USP31: variants seen among roughly 807,000 people sequenced by gnomAD.
USP31 encodes the protein ubiquitin specific peptidase 31.
Under a neutral mutation model 119.4 loss-of-function variants are expected in USP31, and 44 were observed. That is an observed-to-expected ratio of 0.37 (90% CI 0.29 to 0.47). The LOEUF is 0.47. USP31 is among the 20% of genes least tolerant of loss of function. The pLI is 0.99. For missense variants in USP31, 1,643 were observed against 1,730.2 expected, an observed-to-expected ratio of 0.95 and a Z score of 0.89; for synonymous variants, 749 against 705.6, an observed-to-expected ratio of 1.06 and a Z score of -0.97.
At chr16:23,083,187 A>G (rs764491974) in intron 11 of USP31, among the ~76,000 whole-genome samples, 1 of 152,168 alleles carries the variant, frequency 6.6e-6, no homozygotes, top group African/African-American at 2.4e-5. Flanking sequence ...TTTAGTGATC[A>G]AGACAGATGG....
intron 1 of USP31, among the ~76,000 whole-genome samples, chr16:23,116,430 T>C (rs951810130): frequency 8.5e-5 from 13 of 152,122 alleles, no homozygotes; most frequent in African/African-American, 2.7e-4. Context: ...GAAGAATAAT[T>C]AGCTAAAACA....
intron 6 of USP31, among the ~76,000 whole-genome samples, chr16:23,091,345 T>C (rs1381063379): frequency 6.6e-6 from 1 of 152,174 alleles, no homozygotes; most frequent in East Asian, 1.9e-4. Context: ...AACAAAAATA[T>C]ATATTTGACA....
At chr16:23,102,973 TA>T (rs1479756894) in intron 5 of USP31, among the ~76,000 whole-genome samples, 4 of 152,212 alleles carry the variant, frequency 2.6e-5, no homozygotes, top group African/African-American at 9.6e-5. Context: ...TGCCATGTTA[TA>T]AAAGGGATTA....
chr16:23,126,350 C>T (rs890630589), intron 1 of USP31, among the ~76,000 whole-genome samples: 42 of 141,204 alleles, frequency 3.0e-4, no homozygotes, highest in Admixed American at 1.1e-3. Flanking sequence ...AAAGGCTGGG[C>T]GTAGTGGCTC....
rs552137614 is a variant in USP31, at chr16:23,098,224, T to C, written c.1234+4095A>G. Among the ~76,000 whole-genome samples, 31 of 152,300 alleles carry C rather than the reference T, an allele frequency of 2.0e-4. No homozygotes were observed. In the East Asian group the frequency reaches 5.4e-3, roughly 27 times the overall value. On this transcript the variant is annotated intron_variant, in intron 6 of 15. Coordinates refer to ENST00000219689, the MANE Select transcript of USP31 (RefSeq NM_020718.4). Reference sequence around the variant, plus strand: ...ATCATGAGTGAACTCCCATTCACAATTGCTTCAAAGAGAATAAAATACCTA... The same window carrying C: ...ATCATGAGTGAACTCCCATTCACAACTGCTTCAAAGAGAATAAAATACCTA...
chr16:23,096,421 T>C (rs1288125869), intron 6 of USP31, among the ~76,000 whole-genome samples: 1 of 152,120 alleles, frequency 6.6e-6, no homozygotes, highest in Non-Finnish European at 1.5e-5. Flanking sequence ...CTGTCAACAT[T>C]AGACAGATCA....
At chr16:23,116,900 T>C (rs954036597) in intron 1 of USP31, among the ~76,000 whole-genome samples, 2 of 152,200 alleles carry the variant, frequency 1.3e-5, no homozygotes, top group African/African-American at 4.8e-5. Context: ...CTGTTCACAT[T>C]TGGCCACAGA....
Position 23,064,691 on chromosome 16 carries a change from T to C in USP31, c.*3355A>G, listed in dbSNP as rs544823149. 1 of 152,332 alleles carries C rather than the reference T, an allele frequency of 6.6e-6. No individual in the cohort carries two copies. Among genetic ancestry groups the C allele is most frequent in the South Asian group, 2.1e-4 (1 of 4,824 alleles). The allele number at this position is 152,332 out of a possible 1,614,324, so 9.4% of individuals were successfully genotyped here. Reference sequence around the variant, plus strand: ...ACGTGATCTCTTTTCCCAGGAGAACTGTCACTCCATTTAGGACACCATCAC... The same window carrying C: ...ACGTGATCTCTTTTCCCAGGAGAACCGTCACTCCATTTAGGACACCATCAC... On this transcript the variant is annotated 3_prime_UTR_variant, in exon 16 of 16. Coordinates refer to ENST00000219689, the MANE Select transcript of USP31 (RefSeq NM_020718.4).
chr16:23,076,223 CAT>C (rs1422109179), intron 13 of USP31, among the ~76,000 whole-genome samples: 1 of 150,342 alleles, frequency 6.7e-6, no homozygotes, highest in Non-Finnish European at 1.5e-5. Flanking sequence ...CATCATGGCA[CAT>C]GTTTACCTAA....
chr16:23,143,874 CA>C (rs1330129870), intron 1 of USP31, among the ~76,000 whole-genome samples: 4 of 151,824 alleles, frequency 2.6e-5, no homozygotes. Flanking sequence ...ACAAATGTCC[CA>C]GGGGGTGGGG....
intron 11 of USP31, among the ~76,000 whole-genome samples, chr16:23,083,896 G>C (rs145404910): frequency 6.6e-6 from 1 of 152,122 alleles, no homozygotes; most frequent in African/African-American, 2.4e-5. Context: ...ACAACTGTTG[G>C]CTATAGTAAC....
intron 9 of USP31, among the ~76,000 whole-genome samples, chr16:23,086,119 C>T (rs1567230535): frequency 6.6e-6 from 1 of 152,038 alleles, no homozygotes; most frequent in Admixed American, 6.6e-5. Flanking sequence ...TCCAAAGCTA[C>T]CCCCGTCCCA....
chr16:23,082,468 C>A lies in USP31; in HGVS notation c.1920G>T (p.Val640=). ...GAAATCTCTTTAGATGTATAATAAG[C>A]ACATCAGGCAGAGTCCAGAGGCTTA... The part of the protein sequence containing the change: ...ITLSLWTLPD[V]LIIHLKRFRQ... The change falls in exon 12 of 16, where the codon GTG becomes GTT. Residue 640 remains valine (V), a synonymous_variant. Coordinates refer to ENST00000219689, the MANE Select transcript of USP31 (RefSeq NM_020718.4). 1 of 1,614,144 alleles carries A rather than the reference C, an allele frequency of 6.2e-7. No homozygotes were observed. Among genetic ancestry groups the A allele is most frequent in the Non-Finnish European group, 8.5e-7 (1 of 1,180,014 alleles).
intron 13 of USP31, among the ~76,000 whole-genome samples, chr16:23,078,310 C>CAAAAA (rs34288248): frequency 2.8e-5 from 2 of 71,140 alleles, no homozygotes; most frequent in African/African-American, 6.5e-5. Context: ...GACTCCGTCG[C>CAAAAA]AAAAAAAAAA....
At position 23,106,500 on chromosome 16, in the gene USP31, G is replaced by A. The variant is rs757858830; in HGVS notation, c.772-13C>T. The A allele has an allele frequency of 6.9e-5, 110 of 1,587,540 alleles. No homozygotes were observed. Among genetic ancestry groups the A allele is most frequent in the Admixed American group, 1.6e-4 (9 of 55,944 alleles). ...TCTCTGATGGTGGCTAAAAAAAAAA[G>A]AAAGTACAACTTCACAGACTAGAAA... On this transcript the variant is annotated splice_polypyrimidine_tract_variant and intron_variant, in intron 2 of 15. Transcript: ENST00000219689.
chr16:23,068,341 C>A lies in USP31; in HGVS notation c.3764G>T (p.Gly1255Val), dbSNP rs1259730446. Residue 1255 changes from glycine to valine, a missense_variant, in exon 16 of 16, where the codon GGT becomes GTT. Transcript: ENST00000219689. ...ACAGACAGACTTAACAGAGCTCCCA[C>A]CAGCCTTTTTAGAGAGCAAGGCTGT... is the stretch of plus-strand genomic sequence containing the variant. ...GKTALLSKKA[G>V]GSSVKSVCKN... is the part of the protein sequence containing the mutation. The A allele has an allele frequency of 1.9e-6, 3 of 1,614,074 alleles. No homozygotes were observed. The highest frequency in any genetic ancestry group is 2.5e-6 in the Non-Finnish European group (3 of 1,180,026).
Position 23,068,882 on chromosome 16 carries a change from T to C in USP31, c.3223A>G (p.Ser1075Gly). The change falls in exon 16 of 16, where the codon AGC (serine) becomes GGC (glycine). Residue 1075 changes from serine (S) to glycine (G), a missense_variant. By Grantham distance (56) the Ser-to-Gly change is moderately conservative. This residue lies in a region of USP31 where 699 missense variants were observed against 650.9 expected (regional missense o/e 1.07). Transcript: ENST00000219689. ...CCCCTGGAAGAAGAATCTGCTTTGC[T>C]GCGGGAGCGGGAGGGCTTTAGAGAG... Reference protein sequence around the residue: ...KVSLKPSRSRSKADSSSRGSG... With the variant: ...KVSLKPSRSRGKADSSSRGSG... The C allele has an allele frequency of 6.3e-7, 1 of 1,596,530 alleles. No individual in the cohort carries two copies. Among genetic ancestry groups the C allele is most frequent in the Non-Finnish European group, 8.5e-7 (1 of 1,171,832 alleles).
At chr16:23,128,550 ATCT>A (rs1902936274) in intron 1 of USP31, among the ~76,000 whole-genome samples, 1 of 152,238 alleles carries the variant, frequency 6.6e-6, no homozygotes, top group Non-Finnish European at 1.5e-5. Context: ...TCAAGCTTTT[ATCT>A]AGCCTTTCTT....
At chr16:23,075,857 C>T (rs565392244) in intron 13 of USP31, among the ~76,000 whole-genome samples, 1 of 152,296 alleles carries the variant, frequency 6.6e-6, no homozygotes, top group South Asian at 2.1e-4. Context: ...GAGGCTGAGG[C>T]AGAGGACTGC....
Sources: gnomAD v4.1 joint callset for allele counts (sites outside exome capture counted in the v4.1 genomes callset) on GRCh38, gnomAD v4.1.1 for gene constraint, gnomAD v4.1.1 regional missense constraint, MANE v1.5 for transcripts, NCBI Gene and HGNC (gene_info 2026-07-23, HGNC 2026-07-21) for gene names.